The following DOCK6 variants were observed in gnomAD, a reference collection of about 807,000 sequenced individuals.
The protein encoded by DOCK6 is dedicator of cytokinesis protein 6.
In DOCK6, 167 loss-of-function variants were observed where a neutral mutation model predicts 230.3. The observed-to-expected ratio is 0.73, with a 90% CI of 0.64 to 0.82. The LOEUF (loss-of-function observed/expected upper bound fraction) is 0.82, where lower values mean the gene tolerates loss of function less well. DOCK6 is among the 40% of genes least tolerant of loss of function. The pLI, the probability that DOCK6 is intolerant of heterozygous loss-of-function variation, is 0.00. For synonymous variants in DOCK6, 1,148 were observed against 1,185.0 expected (o/e 0.97, Z 0.64); for missense variants, 2,598 against 2,825.8 (o/e 0.92, Z 1.83).
At chr19:11,217,716 C>T (rs2042204181) in intron 28 of DOCK6, among the ~76,000 whole-genome samples, 1 of 148,672 alleles carries the variant, frequency 6.7e-6, no homozygotes, top group African/African-American at 2.5e-5. Context: ...CGAGATCGCG[C>T]CACTGCACTC....
At chr19:11,231,400 T>C (rs2147812601) in intron 22 of DOCK6, among the ~76,000 whole-genome samples, 1 of 149,422 alleles carries the variant, frequency 6.7e-6, no homozygotes, top group South Asian at 2.2e-4. Context: ...TGGTATTCGG[T>C]TGCTACTTGC....
intron 39 of DOCK6, among the ~76,000 whole-genome samples, chr19:11,207,363 T>G (rs111574864): frequency 3.9e-5 from 6 of 152,060 alleles, no homozygotes; most frequent in African/African-American, 1.4e-4. Context: ...CCCAGCTAAT[T>G]TCTTGTATTT....
intron 37 of DOCK6, among the ~76,000 whole-genome samples, chr19:11,209,502 A>G (rs1273743043): frequency 9.4e-6 from 1 of 106,612 alleles, no homozygotes; most frequent in South Asian, 3.1e-4. Flanking sequence ...TCACTTGTCT[A>G]TCCCCTCACC....
At chr19:11,225,868 T>TAA (rs745740690) in intron 24 of DOCK6, among the ~76,000 whole-genome samples, 13 of 71,008 alleles carry the variant, frequency 1.8e-4, no homozygotes, top group African/African-American at 3.2e-4. Context: ...CTGACTCTAC[T>TAA]AAAAAAAAAA....
Position 11,236,732 on chromosome 19 carries a change from A to C in DOCK6, c.2160+61T>G. 1.3e-6 allele frequency: 2 copies of C among 1,542,366 alleles called. No individual in the cohort carries two copies. Among genetic ancestry groups the C allele is most frequent in the Non-Finnish European group, 1.8e-6 (2 of 1,139,586 alleles). ...CCCCGGCCATCGGCAACTGTTACTC[A>C]ATCGTAGGGCAGGCAAGAGGGGAGC... On this transcript the variant is annotated intron_variant, in intron 19 of 47. Transcript: ENST00000294618. The surrounding 1 kb of genome is among the most constrained non-coding windows in gnomAD (Gnocchi z 5.2).
At chr19:11,242,318 G>A (rs2079960087) in intron 13 of DOCK6, 111 bp from the exon 14 acceptor site, 2 of 1,150,196 alleles carry the variant, frequency 1.7e-6, no homozygotes, top group Admixed American at 3.9e-5. Flanking sequence ...CTGGGGACTG[G>A]GGGCTGTGTC....
chr19:11,224,658 G>A (rs566868603), intron 24 of DOCK6, among the ~76,000 whole-genome samples: 3 of 152,180 alleles, frequency 2.0e-5, no homozygotes, highest in Admixed American at 2.0e-4. Flanking sequence ...TAGCAAGTCC[G>A]GGGAACAGTG....
At chr19:11,203,686 A>G (rs1231768179) in intron 41 of DOCK6, 4 of 258,080 alleles carry the variant, frequency 1.5e-5, no homozygotes, top group Non-Finnish European at 3.0e-5. Context: ...GTACGCAGGG[A>G]GAGACAGAGA....
intron 14 of DOCK6, 79 bp from the exon 15 acceptor site, chr19:11,238,383 G>A: frequency 7.4e-7 from 1 of 1,355,266 alleles, no homozygotes; most frequent in South Asian, 1.3e-5. Context: ...ATGGGACAAG[G>A]CTGGCTGGGA....
intron 9 of DOCK6, 70 bp downstream of exon 9, chr19:11,245,489 CTCAT>C: frequency 1.4e-6 from 2 of 1,422,234 alleles, no homozygotes; most frequent in Non-Finnish European, 1.9e-6. Context: ...ATGTATCTGT[CTCAT>C]TCTGTGAAGG....
chr19:11,240,582 CT>C (rs869249463), intron 14 of DOCK6, among the ~76,000 whole-genome samples: 3,899 of 136,126 alleles, frequency 0.029, 52 homozygotes, highest in Non-Finnish European at 0.044. Flanking sequence ...TCAATAAATT[CT>C]TTTTTTTTTT....
Position 11,251,032 on chromosome 19 carries a change from C to G in DOCK6, c.562G>C (p.Ala188Pro). The G allele has an allele frequency of 6.2e-7, 1 of 1,613,650 alleles. No individual in the cohort carries two copies. Among genetic ancestry groups the G allele is most frequent in the Non-Finnish European group, 8.5e-7 (1 of 1,179,792 alleles). The change falls in exon 6 of 48, where the codon GCC becomes CCC. Residue 188 changes from alanine (A) to proline (P), a missense_variant. By Grantham distance (27) the Ala-to-Pro change is conservative (BLOSUM62 -1). Coordinates refer to ENST00000294618, the MANE Select transcript of DOCK6 (RefSeq NM_020812.4). ...SPEDTPRSSG[A>P]SSIFDLRNLA... Reference sequence around the variant, plus strand: ...TTCCTCAGGTCGAAGATGCTAGAGGCACCACTGCTTCGAGGGGTGTCTTCC... The same window carrying G: ...TTCCTCAGGTCGAAGATGCTAGAGGGACCACTGCTTCGAGGGGTGTCTTCC...
intron 1 of DOCK6, among the ~76,000 whole-genome samples, chr19:11,257,908 C>T (rs1264688623): frequency 6.6e-6 from 1 of 152,092 alleles, no homozygotes; most frequent in East Asian, 1.9e-4. Context: ...CCAGCTTGGG[C>T]AACATAGCGA....
At position 11,203,980 on chromosome 19, in the gene DOCK6, C is replaced by T. The variant is rs889589476; in HGVS notation, c.5235+101G>A. 1.6e-5 allele frequency: 24 copies of T among 1,464,484 alleles called. No homozygotes were observed. The African/African-American group carries it at 2.7e-4, about 16-fold the overall frequency. 90.7% of individuals were successfully genotyped at this position (1,464,484 alleles called of 1,614,324 possible). ...CCACAGCCCCAGCCCCAAGGGCCAG[C>T]GGCCATGCTCCTCTGGTGCCCCCTG... On this transcript the variant is annotated intron_variant, in intron 41 of 47. Transcript: ENST00000294618.
Position 11,221,869 on chromosome 19 carries a change from G to A in DOCK6, c.3532C>T (p.Arg1178Trp), listed in dbSNP as rs375012919. The change falls in exon 28 of 48, where the codon CGG (arginine) becomes TGG (tryptophan). Residue 1178 changes from arginine to tryptophan, a missense_variant. Transcript: ENST00000294618. ...CACTGACCAGCAAAGTCATGCAGCC[G>A]TGGCAAGGTATCCCGTGCAATCGAT... ...LLSIARDTLP[R>W]LHDFAEGPGQ... 8.1e-5 allele frequency: 130 copies of A among 1,613,766 alleles called. No homozygotes were observed. The highest frequency in any genetic ancestry group is 6.6e-4 in the Middle Eastern group (4 of 6,062).
At chr19:11,215,949 G>T in intron 30 of DOCK6, 22 bp from the exon 31 acceptor site, 2 of 1,613,468 alleles carry the variant, frequency 1.2e-6, no homozygotes, top group South Asian at 2.2e-5. Flanking sequence ...GAGAACTGGG[G>T]TTCCAGGCTG....
chr19:11,202,111 G>A lies in DOCK6; in HGVS notation c.5466C>T (p.Ile1822=), dbSNP rs746777275. Residue 1822 remains isoleucine (I), a synonymous_variant, in exon 44 of 48, where the codon ATC becomes ATT. Transcript: ENST00000294618. This position sits in a 1 kb window ranked among gnomAD's most constrained non-coding sequence, Gnocchi z 5.3. ...TATCAAAGTACGGTTCCACATACGT[G>A]ATCTGGATGTAGGCCTGGGCGCAGG... is the stretch of plus-strand genomic sequence containing the variant. ...KLDSQKAYIQ[I]TYVEPYFDTY... The A allele has an allele frequency of 1.9e-6, 3 of 1,613,990 alleles. No individual in the cohort carries two copies. Among genetic ancestry groups the A allele is most frequent in the Non-Finnish European group, 2.5e-6 (3 of 1,179,876 alleles).
In DOCK6 at chr19:11,249,468, G is replaced by A. The variant is rs370242092; in HGVS notation, c.721-1317C>T. ...GGAGGTTGCAGTGAGCTGAGATGGCGCCACTGCACTCCAGCCTGGGTGACA... is the reference window on the plus strand; with the variant it reads ...GGAGGTTGCAGTGAGCTGAGATGGCACCACTGCACTCCAGCCTGGGTGACA... On this transcript the variant is annotated intron_variant, in intron 6 of 47. Coordinates refer to ENST00000294618, the MANE Select transcript of DOCK6 (RefSeq NM_020812.4). Among the ~76,000 whole-genome samples, 35 of 151,748 alleles carry A rather than the reference G, an allele frequency of 2.3e-4. 1 individual carries two copies. In the East Asian group the frequency reaches 4.5e-3, roughly 19 times the overall value.
intron 22 of DOCK6, chr19:11,232,098 C>T (rs189593523): frequency 9.6e-7 from 1 of 1,037,708 alleles, no homozygotes; most frequent in East Asian, 6.2e-5. Context: ...GGCAGCCCCC[C>T]TAGGTTAGTC....
Sources: gnomAD v4.1 joint callset for allele counts (sites outside exome capture counted in the v4.1 genomes callset) on GRCh38, gnomAD v4.1.1 for gene constraint, Gnocchi (gnomAD v3.1) non-coding constraint, MANE v1.5 for transcripts, NCBI Gene and HGNC (gene_info 2026-07-23, HGNC 2026-07-21) for gene names.